Variants in AGMO observed in about 807,000 individuals in gnomAD.
The protein encoded by AGMO is alkylglycerol monooxygenase.
In AGMO, 75 loss-of-function variants were observed where a neutral mutation model predicts 60.2. The observed-to-expected ratio is 1.25, with a 90% CI of 1.03 to 1.51. The LOEUF (loss-of-function observed/expected upper bound fraction) is 1.51, where lower values mean the gene tolerates loss of function less well. AGMO is among the 40% of genes most tolerant of loss of function. AGMO has a pLI of 0.00. For synonymous variants in AGMO, 261 were observed against 177.1 expected, an observed-to-expected ratio of 1.47 and a Z score of -3.76; for missense variants, 763 against 525.5, an observed-to-expected ratio of 1.45 and a Z score of -4.42.
At chr7:15,279,201 G>A (rs967520269) in intron 12 of AGMO, among the ~76,000 whole-genome samples, 8 of 152,096 alleles carry the variant, frequency 5.3e-5, no homozygotes, top group Admixed American at 4.6e-4. Flanking sequence ...TGGCAGAAGT[G>A]TAGAACCCTG....
At chr7:15,382,132 T>C (rs1171519649) in intron 10 of AGMO, among the ~76,000 whole-genome samples, 5 of 152,130 alleles carry the variant, frequency 3.3e-5, no homozygotes, top group African/African-American at 7.2e-5. Context: ...AGTTTACCTA[T>C]GTAACAAAAC....
chr7:15,440,923 T>C (rs796445886), intron 3 of AGMO, among the ~76,000 whole-genome samples: 6 of 152,336 alleles, frequency 3.9e-5, no homozygotes, highest in African/African-American at 1.2e-4. Flanking sequence ...TTTGTATCCA[T>C]CACCAGTCAT....
At chr7:15,513,455 T>C (rs1016555312) in intron 3 of AGMO, among the ~76,000 whole-genome samples, 3 of 152,188 alleles carry the variant, frequency 2.0e-5, no homozygotes, top group African/African-American at 7.2e-5. Context: ...CTTCACATTC[T>C]GGTGGGAGTG....
chr7:15,419,396 T>C (rs575335976), intron 4 of AGMO, among the ~76,000 whole-genome samples: 6 of 152,130 alleles, frequency 3.9e-5, no homozygotes, highest in African/African-American at 9.6e-5. Flanking sequence ...AGAAACATTT[T>C]ATTAAATGAG....
chr7:15,241,224 G>A (rs902995673), intron 12 of AGMO, among the ~76,000 whole-genome samples: 2 of 151,858 alleles, frequency 1.3e-5, no homozygotes, highest in African/African-American at 4.8e-5. Flanking sequence ...ACTTTGGGAG[G>A]CCGAGGCGGG....
At chr7:15,472,027 G>A (rs1782460796) in intron 3 of AGMO, among the ~76,000 whole-genome samples, 1 of 151,842 alleles carries the variant, frequency 6.6e-6, no homozygotes. Flanking sequence ...AATATTGAGT[G>A]ATACAGCCAT....
intron 10 of AGMO, among the ~76,000 whole-genome samples, chr7:15,371,690 A>G (rs1783223268): frequency 6.7e-6 from 1 of 149,026 alleles, no homozygotes; most frequent in South Asian, 2.1e-4. Context: ...GAGCCACTGA[A>G]CCCAGCCAAC....
chr7:15,178,416 ATCTG>A, the AGMO span, among the ~76,000 whole-genome samples: 1 of 152,076 alleles, frequency 6.6e-6, no homozygotes, highest in Admixed American at 6.6e-5. Context: ...TTACTGCATA[ATCTG>A]TCTTTCTCTC....
chr7:15,236,924 A>G (rs907032738), intron 12 of AGMO, among the ~76,000 whole-genome samples: 2 of 152,122 alleles, frequency 1.3e-5, no homozygotes, highest in Non-Finnish European at 2.9e-5. Flanking sequence ...CTGGTAAATA[A>G]AAGTGTTGGT....
chr7:15,557,106 C>T (rs1785165296), intron 2 of AGMO, among the ~76,000 whole-genome samples: 1 of 151,890 alleles, frequency 6.6e-6, no homozygotes, highest in Admixed American at 6.6e-5. Flanking sequence ...TTTAAGGTAC[C>T]TGAAATTTTA....
intron 3 of AGMO, among the ~76,000 whole-genome samples, chr7:15,500,329 C>G (rs1437707848): frequency 2.0e-5 from 3 of 151,682 alleles, no homozygotes; most frequent in Non-Finnish European, 4.4e-5. Context: ...ATTAAGTGGC[C>G]TTGTCTTTAA....
the AGMO span, among the ~76,000 whole-genome samples, chr7:15,187,297 A>C: frequency 6.6e-6 from 1 of 152,222 alleles, no homozygotes; most frequent in African/African-American, 2.4e-5. Context: ...ATTTTCATTA[A>C]GAGATATTTC....
At chr7:15,396,132 T>C (rs181914402) in intron 5 of AGMO, 4 of 152,238 alleles carry the variant, frequency 2.6e-5, no homozygotes, top group Non-Finnish European at 5.9e-5. Flanking sequence ...AATATTTGCA[T>C]GCAAAAGACT....
intron 12 of AGMO, among the ~76,000 whole-genome samples, chr7:15,254,497 G>C (rs2128507528): frequency 6.6e-6 from 1 of 152,180 alleles, no homozygotes; most frequent in African/African-American, 2.4e-5. Context: ...GTAATGTTCA[G>C]TATTTTTTCA....
chr7:15,420,893 AT>A (rs994363893), intron 4 of AGMO, among the ~76,000 whole-genome samples: 1 of 152,108 alleles, frequency 6.6e-6, no homozygotes, highest in African/African-American at 2.4e-5. Flanking sequence ...ACCCTAGGTC[AT>A]TTTATTGTCT....
intron 8 of AGMO, among the ~76,000 whole-genome samples, chr7:15,388,219 A>C (rs938426015): frequency 6.6e-6 from 1 of 152,254 alleles, no homozygotes; most frequent in African/African-American, 2.4e-5. Context: ...ATCTGAAGCA[A>C]TTCAGAAATA....
intron 10 of AGMO, among the ~76,000 whole-genome samples, chr7:15,385,181 T>G (rs1263918524): frequency 3.3e-5 from 5 of 152,234 alleles, no homozygotes; most frequent in Non-Finnish European, 5.9e-5. Flanking sequence ...AATTTGTTTA[T>G]GGCAAATAAT....
the AGMO span, among the ~76,000 whole-genome samples, chr7:15,132,482 C>A: frequency 1.3e-5 from 2 of 152,138 alleles, no homozygotes; most frequent in South Asian, 2.1e-4. Context: ...AACTCCTGGG[C>A]AGCACAGCTC....
At chr7:15,179,497 G>A in the AGMO span, among the ~76,000 whole-genome samples, 2 of 152,138 alleles carry the variant, frequency 1.3e-5, no homozygotes, top group African/African-American at 4.8e-5. Context: ...TTAAGTCTTA[G>A]AGCTCCATTT....
Sources: gnomAD v4.1 joint callset for allele counts (sites outside exome capture counted in the v4.1 genomes callset) on GRCh38, gnomAD v4.1.1 for gene constraint, MANE v1.5 for transcripts, NCBI Gene and HGNC (gene_info 2026-07-23, HGNC 2026-07-21) for gene names.